Variants in MAP2 observed in about 807,000 individuals in gnomAD.
MAP2 encodes microtubule associated protein 2.
Under a neutral mutation model 137.6 loss-of-function variants are expected in MAP2, and 14 were observed. The ratio of observed to expected loss-of-function variants is 0.10; its 90% confidence interval spans 0.07 to 0.16. MAP2 has a LOEUF of 0.16. Ranked by LOEUF, MAP2 falls within the 10% of genes least tolerant of loss-of-function variation. The probability of loss-of-function intolerance (pLI) is 1.00; values close to 1 mark genes in which losing one functional copy is unlikely to be tolerated. For synonymous variants in MAP2, 786 were observed against 782.3 expected, an observed-to-expected ratio of 1.00 and a Z score of -0.08; for missense variants, 2,088 against 2,191.5, an observed-to-expected ratio of 0.95 and a Z score of 0.94.
intron 3 of MAP2, among the ~76,000 whole-genome samples, chr2:209,611,430 T>C (rs894811941): frequency 3.9e-5 from 6 of 151,952 alleles, no homozygotes; most frequent in African/African-American, 1.2e-4. Context: ...TTTATACAAT[T>C]CATTAGTTAT....
intron 2 of MAP2, among the ~76,000 whole-genome samples, chr2:209,512,270 CT>C (rs2061826437): frequency 2.0e-5 from 3 of 151,954 alleles, no homozygotes; most frequent in Non-Finnish European, 4.4e-5. Flanking sequence ...CACCTTGTGT[CT>C]GATAAATATG....
chr2:209,475,743 A>G (rs1363015493), intron 1 of MAP2, among the ~76,000 whole-genome samples: 1 of 152,168 alleles, frequency 6.6e-6, no homozygotes, highest in Non-Finnish European at 1.5e-5. Context: ...CTAGTTTTTA[A>G]TGCATATTTA....
chr2:209,674,830 A>G (rs2050560769), intron 5 of MAP2, among the ~76,000 whole-genome samples: 1 of 151,676 alleles, frequency 6.6e-6, no homozygotes, highest in African/African-American at 2.4e-5. Context: ...CTTTACACAC[A>G]CTCTGACTGA....
At chr2:209,431,578 A>T (rs1364308804) in intron 1 of MAP2, among the ~76,000 whole-genome samples, 1 of 152,172 alleles carries the variant, frequency 6.6e-6, no homozygotes, top group Non-Finnish European at 1.5e-5. Context: ...TGTGGAGTAC[A>T]TATAAGTAAA....
chr2:209,577,717 A>C (rs545862190), intron 2 of MAP2, among the ~76,000 whole-genome samples: 48 of 152,134 alleles, frequency 3.2e-4, no homozygotes, highest in Non-Finnish European at 5.7e-4. Context: ...GACCGACTCA[A>C]TTTGATTACC....
intron 11 of MAP2, among the ~76,000 whole-genome samples, chr2:209,705,012 A>C (rs1157535652): frequency 2.6e-5 from 4 of 151,786 alleles, no homozygotes; most frequent in Non-Finnish European, 5.9e-5. Context: ...CGTCATATAC[A>C]TCAGGGTTTA....
At position 209,541,720 on chromosome 2, in the gene MAP2, C is replaced by T. The variant is rs144315448; in HGVS notation, c.-172+34079C>T. Among the ~76,000 whole-genome samples the T allele has an allele frequency of 4.9e-4, 75 of 152,280 alleles. No homozygotes were observed. In the East Asian group the frequency reaches 0.01, roughly 20 times the overall value. ...ACCACTCTTTTGCTCATTCATAAGG[C>T]GCAACTCTTTTGTTAAGGTTTTCTT... On this transcript the variant is annotated intron_variant, in intron 2 of 15. Transcript: ENST00000682079.
intron 1 of MAP2, among the ~76,000 whole-genome samples, chr2:209,429,395 T>TA: frequency 6.8e-6 from 1 of 147,968 alleles, no homozygotes; most frequent in East Asian, 1.9e-4. Context: ...TTTTTTTTTT[T>TA]AACAACTAGT....
At position 209,693,812 on chromosome 2, in the gene MAP2, G is replaced by A; in HGVS notation, c.1642G>A (p.Glu548Lys). The change falls in exon 8 of 16, where the codon GAA (glutamate) becomes AAA (lysine). Residue 548 changes from glutamate to lysine, a missense_variant. Physicochemically the swap from Glu to Lys is moderately conservative, Grantham distance 56 (BLOSUM62 1). This residue lies in a region of MAP2 where 859 missense variants were observed against 794.5 expected (regional missense o/e 1.08). Transcript: ENST00000682079. ...GAGAGTTGATGACAAAGATAAGATTGAAGGAGTTGGAGCTGCAACATCAGC... is the reference window on the plus strand; with the variant it reads ...GAGAGTTGATGACAAAGATAAGATTAAAGGAGTTGGAGCTGCAACATCAGC... ...EMRVDDKDKI[E>K]GVGAATSAEL... 1 of 1,614,076 alleles carries A rather than the reference G, an allele frequency of 6.2e-7. No homozygotes were observed. Among genetic ancestry groups the A allele is most frequent in the African/African-American group, 1.3e-5 (1 of 75,052 alleles).
rs777020858 is a variant in MAP2, at chr2:209,730,168, C to T, written c.5269-14C>T. The T allele has an allele frequency of 4.4e-6, 7 of 1,608,262 alleles. No homozygotes were observed. Among genetic ancestry groups the T allele is most frequent in the South Asian group, 1.1e-5 (1 of 90,842 alleles). On this transcript the variant is annotated splice_polypyrimidine_tract_variant and intron_variant, in intron 15 of 15. Coordinates refer to ENST00000682079, the MANE Select transcript of MAP2 (RefSeq NM_001375505.1). ...ATGCATGAGTTAACGAGGACTGATG[C>T]TTGTCTTAAACAGATTGACAGCCAA...
At chr2:209,653,915 T>G (rs2094964460) in intron 5 of MAP2, among the ~76,000 whole-genome samples, 1 of 152,242 alleles carries the variant, frequency 6.6e-6, no homozygotes. Flanking sequence ...TGTTAGCTTC[T>G]GTGCCAGTGC....
At chr2:209,619,544 T>A (rs968117470) in intron 3 of MAP2, among the ~76,000 whole-genome samples, 1 of 152,124 alleles carries the variant, frequency 6.6e-6, no homozygotes, top group Non-Finnish European at 1.5e-5. Context: ...CAGTGTAGTA[T>A]ATAAATAAGC....
intron 3 of MAP2, among the ~76,000 whole-genome samples, chr2:209,593,276 T>C (rs1187880102): frequency 6.7e-6 from 1 of 149,942 alleles, no homozygotes; most frequent in Non-Finnish European, 1.5e-5. Context: ...TTAAAATGTA[T>C]TGTTATTGTT....
rs143781991 is a variant in MAP2 at position 209,695,480 on chromosome 2, A to C, written c.3310A>C (p.Lys1104Gln). The stretch of plus-strand genomic sequence containing the variant: ...GTCTGGCCACATGAAAGAAGGCACT[A>C]AAGTTAGTGAGACAGAAGTCAAAGA... ...VESGHMKEGTKVSETEVKEKV... is the reference protein window; with the variant it reads ...VESGHMKEGTQVSETEVKEKV... The change falls in exon 8 of 16, where the codon AAA becomes CAA. Residue 1104 changes from lysine to glutamine, a missense_variant. Physicochemically the swap from Lys to Gln is moderately conservative, Grantham distance 53 (BLOSUM62 1). Transcript: ENST00000682079. 401 of 1,614,008 alleles carry C rather than the reference A, an allele frequency of 2.5e-4. No individual in the cohort carries two copies. The highest frequency in any genetic ancestry group is 3.3e-4 in the Non-Finnish European group (388 of 1,180,022).
At chr2:209,528,893 C>CAT (rs972846926) in intron 2 of MAP2, among the ~76,000 whole-genome samples, 2 of 134,980 alleles carry the variant, frequency 1.5e-5, no homozygotes, top group Non-Finnish European at 3.2e-5. Context: ...TGTGTATATA[C>CAT]ATATATATAC....
chr2:209,702,428 A>C lies in MAP2; in HGVS notation c.4584+2090A>C, dbSNP rs1165937832. On this transcript the variant is annotated intron_variant, in intron 11 of 15. Coordinates refer to ENST00000682079, the MANE Select transcript of MAP2 (RefSeq NM_001375505.1). ...TTTATTTGATTTAGCTCTAATGTTC[A>C]GTATATCCATCAGTACTGTTCTCTG... Among the ~76,000 whole-genome samples, 6 of 151,818 alleles carry C rather than the reference A, an allele frequency of 4.0e-5. No homozygotes were observed. The East Asian group carries it at 1.2e-3, about 29-fold the overall frequency.
chr2:209,724,191 G>A (rs1032543104), intron 13 of MAP2, among the ~76,000 whole-genome samples: 1 of 152,158 alleles, frequency 6.6e-6, no homozygotes, highest in Non-Finnish European at 1.5e-5. Context: ...AACTGGTGGA[G>A]CATGGTTCAT....
chr2:209,572,585 A>G (rs2074574086), intron 2 of MAP2, among the ~76,000 whole-genome samples: 2 of 152,142 alleles, frequency 1.3e-5, no homozygotes. Context: ...ATGAAATATC[A>G]AATAGACAAC....
chr2:209,473,397 A>G (rs1186799625), intron 1 of MAP2, among the ~76,000 whole-genome samples: 1 of 152,172 alleles, frequency 6.6e-6, no homozygotes, highest in Non-Finnish European at 1.5e-5. Flanking sequence ...TAATTAAATA[A>G]TGAAAATCCA....
Sources: gnomAD v4.1 joint callset for allele counts (sites outside exome capture counted in the v4.1 genomes callset) on GRCh38, gnomAD v4.1.1 for gene constraint, gnomAD v4.1.1 regional missense constraint, MANE v1.5 for transcripts, NCBI Gene and HGNC (gene_info 2026-07-23, HGNC 2026-07-21) for gene names.